SRP54: variants seen among roughly 807,000 people sequenced by gnomAD.
SRP54 encodes the protein signal recognition particle 54.
Under a neutral mutation model 64.8 loss-of-function variants are expected in SRP54, and 10 were observed. The observed-to-expected ratio is 0.15, with a 90% confidence interval of 0.10 to 0.26. SRP54 has a LOEUF of 0.26. Ranked by LOEUF, SRP54 falls within the 10% of genes least tolerant of loss-of-function variation. SRP54 has a pLI of 1.00. For missense variants in SRP54, 325 were observed against 613.7 expected (o/e 0.53, Z 4.97); for synonymous variants, 193 against 185.6 (o/e 1.04, Z -0.32).
In SRP54 at chr14:35,016,675, G is replaced by A. The variant is rs147606767; in HGVS notation, c.973+1845G>A. Among the ~76,000 whole-genome samples the A allele has an allele frequency of 4.3e-4, 65 of 152,144 alleles. 1 individual carries two copies. The highest frequency in any genetic ancestry group is 3.2e-3 in the Admixed American group (49 of 15,266). On this transcript the variant is annotated intron_variant, in intron 11 of 15. Coordinates refer to ENST00000216774, the MANE Select transcript of SRP54 (RefSeq NM_003136.4). ...TTTATATTATTCAGCACAATTATTT[G>A]ATGTCTGTTTTTCCTGCTTGAAGGT...
At chr14:35,014,314 G>T (rs1335766984) in intron 10 of SRP54, among the ~76,000 whole-genome samples, 1 of 117,934 alleles carries the variant, frequency 8.5e-6, no homozygotes, top group Non-Finnish European at 1.7e-5. Context: ...TTTCGCTCTT[G>T]TCACCCAGGC....
chr14:35,000,320 C>T (rs372935097), intron 3 of SRP54, among the ~76,000 whole-genome samples: 5 of 151,556 alleles, frequency 3.3e-5, no homozygotes, highest in Admixed American at 1.3e-4. Context: ...GTAATCCCAG[C>T]ACTTTGGGAG....
chr14:35,011,469 G>T (rs2044356950), intron 7 of SRP54, 40 bp from the exon 8 acceptor site: 1 of 1,365,420 alleles, frequency 7.3e-7, no homozygotes, highest in African/African-American at 1.5e-5. Flanking sequence ...GTATTTGGAA[G>T]TTTTGTCGTT....
At chr14:35,020,655 C>T (rs2044514980) in intron 13 of SRP54, among the ~76,000 whole-genome samples, 1 of 151,984 alleles carries the variant, frequency 6.6e-6, no homozygotes, top group African/African-American at 2.4e-5. Flanking sequence ...CTGTCTTTTT[C>T]TTTTAAGGTT....
In SRP54 at chr14:34,996,737, A is replaced by G; in HGVS notation, c.28A>G (p.Ile10Val). Reference sequence around the variant, plus strand: ...GGTTCTAGCAGACCTTGGAAGAAAAATAACATCAGCATTACGCTCGTTGAG... The same window carrying G: ...GGTTCTAGCAGACCTTGGAAGAAAAGTAACATCAGCATTACGCTCGTTGAG... MVLADLGRK[I>V]TSALRSLSNA... The change falls in exon 2 of 16, where the codon ATA becomes GTA. Residue 10 changes from isoleucine (I) to valine (V), a missense_variant. Ile to Val is a conservative substitution (Grantham distance 29). Transcript: ENST00000216774. 6.2e-7 allele frequency: 1 copy of G among 1,613,676 alleles called. No individual in the cohort carries two copies. Among genetic ancestry groups the G allele is most frequent in the Non-Finnish European group, 8.5e-7 (1 of 1,179,660 alleles).
chr14:35,011,336 A>G (rs2044354329), intron 7 of SRP54, among the ~76,000 whole-genome samples, 173 bp from the exon 8 acceptor site: 1 of 152,214 alleles, frequency 6.6e-6, no homozygotes, highest in East Asian at 1.9e-4. Flanking sequence ...ATAATGCTTC[A>G]TGCTTTTTTA....
At chr14:35,018,919 C>T in intron 12 of SRP54, 47 bp from the exon 13 acceptor site, 2 of 1,536,362 alleles carry the variant, frequency 1.3e-6, no homozygotes, top group Non-Finnish European at 1.8e-6. Context: ...ACATTTTGAA[C>T]CATTAATCTT....
At chr14:35,020,587 TA>T (rs1301038753) in intron 13 of SRP54, among the ~76,000 whole-genome samples, 2 of 152,224 alleles carry the variant, frequency 1.3e-5, no homozygotes, top group Non-Finnish European at 2.9e-5. Flanking sequence ...GATTTATTGT[TA>T]TTTTTTTGTA....
intron 2 of SRP54, 83 bp from the exon 3 acceptor site, chr14:34,999,475 T>A: frequency 1.0e-6 from 1 of 954,464 alleles, no homozygotes. Flanking sequence ...AAGCTGTGGT[T>A]ATGTAAGTGA....
At chr14:35,003,525 C>T (rs774124197) in intron 4 of SRP54, among the ~76,000 whole-genome samples, 2 of 151,762 alleles carry the variant, frequency 1.3e-5, no homozygotes, top group Non-Finnish European at 2.9e-5. Context: ...CAGGCATGCA[C>T]CACCATGTTT....
intron 4 of SRP54, 89 bp downstream of exon 4, chr14:35,001,109 G>GT (rs1374196104): frequency 1.8e-5 from 7 of 380,730 alleles, no homozygotes; most frequent in Admixed American, 1.5e-4. Context: ...TTTTAAATAT[G>GT]TTTTTTATGG....
At chr14:34,991,740 T>G (rs1281472482) in intron 1 of SRP54, among the ~76,000 whole-genome samples, 22 of 127,452 alleles carry the variant, frequency 1.7e-4, no homozygotes, top group Admixed American at 2.5e-4. Context: ...GGGTGGGGGG[T>G]GGAGGGGGCC....
intron 13 of SRP54, among the ~76,000 whole-genome samples, chr14:35,019,632 G>A (rs2044494169): frequency 6.6e-6 from 1 of 152,176 alleles, no homozygotes; most frequent in Non-Finnish European, 1.5e-5. Flanking sequence ...CTTTCTGTCT[G>A]AAACATAAGA....
chr14:35,000,187 T>C (rs2044146950), intron 3 of SRP54, among the ~76,000 whole-genome samples: 1 of 152,142 alleles, frequency 6.6e-6, no homozygotes, highest in South Asian at 2.1e-4. Context: ...ACTGCTTGAG[T>C]CTTATCTCTT....
chr14:35,009,842 A>G (rs747701011), intron 7 of SRP54, among the ~76,000 whole-genome samples: 41 of 152,046 alleles, frequency 2.7e-4, no homozygotes, highest in Admixed American at 7.9e-4. Flanking sequence ...AGCCTGGGCA[A>G]TATAGCAAGA....
chr14:35,018,603 GATGAATT>G, intron 11 of SRP54, 82 bp from the exon 12 acceptor site: 3 of 1,013,508 alleles, frequency 3.0e-6, no homozygotes, highest in Non-Finnish European at 4.5e-6. Context: ...TATGCTTCAA[GATGAATT>G]CATGATTAAG....
chr14:34,999,037 CAA>C (rs1454655256), intron 2 of SRP54, among the ~76,000 whole-genome samples: 1 of 77,330 alleles, frequency 1.3e-5, no homozygotes, highest in Non-Finnish European at 2.5e-5. Flanking sequence ...TTTTTTGAGA[CAA>C]AGTCTCACTC....
chr14:35,011,326 A>T (rs2044354068), intron 7 of SRP54, among the ~76,000 whole-genome samples, 183 bp from the exon 8 acceptor site: 1 of 152,218 alleles, frequency 6.6e-6, no homozygotes, highest in Non-Finnish European at 1.5e-5. Flanking sequence ...GGAAAATTGG[A>T]TAATGCTTCA....
chr14:35,001,760 T>C (rs959006155), intron 4 of SRP54, among the ~76,000 whole-genome samples: 1 of 152,160 alleles, frequency 6.6e-6, no homozygotes, highest in African/African-American at 2.4e-5. Context: ...AATTTTGAAT[T>C]AGTGAAAGTT....
Sources: gnomAD v4.1 joint callset for allele counts (sites outside exome capture counted in the v4.1 genomes callset) on GRCh38, gnomAD v4.1.1 for gene constraint, MANE v1.5 for transcripts, NCBI Gene and HGNC (gene_info 2026-07-23, HGNC 2026-07-21) for gene names.